The following MED4 variants were observed in gnomAD, a reference collection of about 807,000 sequenced individuals.
MED4 encodes the protein mediator complex subunit 4.
A neutral mutation model predicts 35.0 loss-of-function variants in MED4; 21 were observed. The ratio of observed to expected loss-of-function variants is 0.60; its 90% CI spans 0.43 to 0.86. The LOEUF (loss-of-function observed/expected upper bound fraction) is 0.86, where lower values mean the gene tolerates loss of function less well. Ranked by LOEUF, MED4 falls within the 40% of genes least tolerant of loss-of-function variation. The pLI is 0.00. For missense variants in MED4, 300 were observed against 319.4 expected (o/e 0.94, Z 0.46); for synonymous variants, 138 against 114.0 (o/e 1.21, Z -1.34).
Position 48,079,783 on chromosome 13 carries a change from C to T in MED4, c.640+61G>A, listed in dbSNP as rs1297720336. 3.2e-6 allele frequency: 5 copies of T among 1,559,812 alleles called. No individual in the cohort carries two copies. The African/African-American group carries it at 6.9e-5, about 22-fold the overall frequency. ...AAACTTGCTTTACCGCCAGATATTC[C>T]AACCTTGTCATCTCTGGAAAACCCT... On this transcript the variant is annotated intron_variant, in intron 6 of 6. Coordinates refer to ENST00000258648, the MANE Select transcript of MED4 (RefSeq NM_014166.4).
At chr13:48,093,742 C>G (rs9567994) in intron 1 of MED4, 77,153 of 244,650 alleles carry the variant, frequency 0.32, 15,459 homozygotes, top group African/African-American at 0.62. Flanking sequence ...TTAATTTCTG[C>G]TGTCTAGGTG....
chr13:48,080,396 C>CAAAAAAAA (rs57198503), intron 5 of MED4, among the ~76,000 whole-genome samples: 76 of 68,314 alleles, frequency 1.1e-3, no homozygotes, highest in Non-Finnish European at 1.2e-3. Context: ...GACCCTGTCT[C>CAAAAAAAA]AAAAAAAAAA....
Position 48,082,130 on chromosome 13 carries a change from C to A in MED4, c.422-399G>T, listed in dbSNP as rs75940217. Among the ~76,000 whole-genome samples the A allele has an allele frequency of 3.0e-3, 455 of 152,212 alleles. 1 individual carries two copies. Among genetic ancestry groups the A allele is most frequent in the African/African-American group, 0.01 (425 of 41,518 alleles). ...CACACCACTCTGTTCGATCAATATG[C>A]CCTAAGGCTCTTAAGTAGACCTAAA... On this transcript the variant is annotated intron_variant, in intron 4 of 6. Coordinates refer to ENST00000258648, the MANE Select transcript of MED4 (RefSeq NM_014166.4).
chr13:48,088,999 T>G (rs1456424807), intron 2 of MED4, among the ~76,000 whole-genome samples: 1 of 152,220 alleles, frequency 6.6e-6, no homozygotes, highest in East Asian at 1.9e-4. Context: ...AATTATCACC[T>G]TCTGAATAAT....
In MED4 at chr13:48,086,335, C is replaced by T; in HGVS notation, c.310G>A (p.Asp104Asn). 6.2e-7 allele frequency: 1 copy of T among 1,613,830 alleles called. No individual in the cohort carries two copies. The highest frequency in any genetic ancestry group is 8.5e-7 in the Non-Finnish European group (1 of 1,179,916). ...QVLEKEVEKR[D>N]SDIQQLQKQL... ...TTTTGTAGCTGCTGAATATCACTGT[C>T]TCTCTTCTCTACTTCTTTTTCTAAA... is the stretch of plus-strand genomic sequence containing the variant. The change falls in exon 3 of 7, where the codon GAC becomes AAC. Residue 104 changes from aspartate (D) to asparagine (N), a missense_variant. Coordinates refer to ENST00000258648, the MANE Select transcript of MED4 (RefSeq NM_014166.4).
chr13:48,092,340 G>A (rs1287932186), intron 1 of MED4, among the ~76,000 whole-genome samples: 1 of 152,016 alleles, frequency 6.6e-6, no homozygotes, highest in Non-Finnish European at 1.5e-5. Context: ...TCGAAATCCC[G>A]ACCACAGGTG....
chr13:48,083,502 A>G (rs1950825713), intron 3 of MED4, 74 bp from the exon 4 acceptor site: 2 of 1,191,804 alleles, frequency 1.7e-6, no homozygotes, highest in South Asian at 2.6e-5. Context: ...CTTAATTCAC[A>G]AGATCCTTTA....
Position 48,094,955 on chromosome 13 carries a change from T to C in MED4, c.124A>G (p.Arg42Gly). 1.2e-5 allele frequency: 20 copies of C among 1,602,770 alleles called. No homozygotes were observed. The highest frequency in any genetic ancestry group is 2.2e-5 in the East Asian group (1 of 44,796). Residue 42 changes from arginine (R) to glycine (G), a missense_variant and splice_region_variant, in exon 1 of 7, where the codon AGG (arginine) becomes GGG (glycine). Arg to Gly is a moderately radical substitution (Grantham distance 125). Coordinates refer to ENST00000258648, the MANE Select transcript of MED4 (RefSeq NM_014166.4). ...CGGCTCTCAGGCTCGCCGCATTACC[T>C]AGACAGGACCTCCAAGTCCTCAAGC... ...SALEDLEVLS[R>G]ELIEMLAISR... is the part of the protein sequence containing the mutation.
At chr13:48,088,765 G>A (rs1566120142) in intron 2 of MED4, among the ~76,000 whole-genome samples, 2 of 152,322 alleles carry the variant, frequency 1.3e-5, no homozygotes, top group East Asian at 3.9e-4. Flanking sequence ...TCTCACAGGA[G>A]GTTGAACTGA....
chr13:48,080,557 A>AT (rs1029428157), intron 5 of MED4, among the ~76,000 whole-genome samples: 65 of 152,118 alleles, frequency 4.3e-4, no homozygotes, highest in Non-Finnish European at 8.1e-4. Context: ...AAGAGATGTC[A>AT]TTTTTTTGTA....
chr13:48,089,013 T>C (rs1950871460), intron 2 of MED4, among the ~76,000 whole-genome samples: 1 of 152,228 alleles, frequency 6.6e-6, no homozygotes, highest in Non-Finnish European at 1.5e-5. Context: ...GAATAATCTG[T>C]GTGCCTGGCT....
intron 2 of MED4, among the ~76,000 whole-genome samples, chr13:48,087,125 G>A (rs1486456506): frequency 6.6e-6 from 1 of 151,872 alleles, no homozygotes; most frequent in Non-Finnish European, 1.5e-5. Context: ...TAGCACTTTG[G>A]GAGGCCGAGG....
chr13:48,086,826 G>C (rs1229342340), intron 2 of MED4, among the ~76,000 whole-genome samples: 1 of 152,058 alleles, frequency 6.6e-6, no homozygotes, highest in Non-Finnish European at 1.5e-5. Flanking sequence ...GATGCGGGCA[G>C]ATCACTTGAG....
chr13:48,083,284 A>G, intron 4 of MED4, 87 bp downstream of exon 4: 2 of 1,022,770 alleles, frequency 2.0e-6, no homozygotes, highest in South Asian at 3.0e-5. Context: ...ACAGCAGCAA[A>G]TGATTATCAG....
chr13:48,084,400 T>G (rs1267690843), intron 3 of MED4, among the ~76,000 whole-genome samples: 1 of 152,162 alleles, frequency 6.6e-6, no homozygotes, highest in Non-Finnish European at 1.5e-5. Context: ...GACACTGACT[T>G]GATATAAACT....
chr13:48,086,157 C>A (rs891018173), intron 3 of MED4, 125 bp downstream of exon 3: 1 of 828,608 alleles, frequency 1.2e-6, no homozygotes, highest in Non-Finnish European at 1.9e-6. Flanking sequence ...TGGTGAGTGA[C>A]AAGATATCAC....
chr13:48,091,765 G>A (rs2137841623), intron 1 of MED4, among the ~76,000 whole-genome samples: 1 of 152,324 alleles, frequency 6.6e-6, no homozygotes, highest in East Asian at 1.9e-4. Flanking sequence ...AATAAACCTA[G>A]AGTGATAAGG....
rs1037072862 is a variant in MED4, at chr13:48,076,420, A to G, written c.*719T>C. The G allele has an allele frequency of 7.9e-5, 12 of 152,184 alleles. No individual in the cohort carries two copies. The highest frequency in any genetic ancestry group is 1.5e-4 in the Non-Finnish European group (10 of 68,000). 9.4% of individuals were successfully genotyped at this position (152,184 alleles called of 1,614,324 possible). A position where few individuals can be genotyped will look rare whatever the true frequency, so the allele number is the denominator to read the frequency against. On this transcript the variant is annotated 3_prime_UTR_variant, in exon 7 of 7. Transcript: ENST00000258648. ...GTGGTAAATTTTTTCAATTATTAAA[A>G]AAAATTATTTCTTCTAATAGGAATA...
At chr13:48,080,927 A>G (rs184633104) in intron 5 of MED4, among the ~76,000 whole-genome samples, 8 of 152,340 alleles carry the variant, frequency 5.3e-5, no homozygotes, top group Admixed American at 5.2e-4. Context: ...ACTAAATAGC[A>G]GTATGTGGTT....
Sources: allele counts gnomAD v4.1 joint callset (sites outside exome capture counted in the v4.1 genomes callset), GRCh38; gene constraint gnomAD v4.1.1; transcripts MANE v1.5; gene names NCBI Gene and HGNC (gene_info 2026-07-23, HGNC 2026-07-21).